Variants in CPE observed in about 807,000 individuals in gnomAD.
CPE encodes carbocypeptidase E.
Under a neutral mutation model 53.5 loss-of-function variants are expected in CPE, and 17 were observed. The observed-to-expected ratio is 0.32, with a 90% confidence interval of 0.22 to 0.48. The LOEUF is 0.48. Ranked by LOEUF, CPE falls within the 20% of genes least tolerant of loss-of-function variation. The pLI is 0.99. For synonymous variants in CPE, 226 were observed against 228.8 expected, an observed-to-expected ratio of 0.99 and a Z score of 0.11; for missense variants, 524 against 614.7, an observed-to-expected ratio of 0.85 and a Z score of 1.56.
chr4:165,442,756 A>T (rs534783982), intron 1 of CPE, among the ~76,000 whole-genome samples: 1 of 152,328 alleles, frequency 6.6e-6, no homozygotes, highest in African/African-American at 2.4e-5. Flanking sequence ...GAACAGGCAG[A>T]CCTTATATAA....
intron 1 of CPE, among the ~76,000 whole-genome samples, chr4:165,409,093 A>G (rs1730996249): frequency 6.6e-6 from 1 of 152,168 alleles, no homozygotes; most frequent in African/African-American, 2.4e-5. Flanking sequence ...GCACATAAGC[A>G]AGTATATGGC....
chr4:165,478,025 T>C (rs758787457), intron 3 of CPE, among the ~76,000 whole-genome samples: 3 of 152,196 alleles, frequency 2.0e-5, no homozygotes, highest in Non-Finnish European at 4.4e-5. Flanking sequence ...ACATGAGCCT[T>C]GGCCTGAAAG....
intron 1 of CPE, among the ~76,000 whole-genome samples, chr4:165,437,108 C>T (rs563103217): frequency 6.6e-6 from 1 of 152,238 alleles, no homozygotes; most frequent in Non-Finnish European, 1.5e-5. Flanking sequence ...TCAGACAGGT[C>T]CTTCTCTCAG....
At chr4:165,457,395 A>G (rs1022198336) in intron 1 of CPE, among the ~76,000 whole-genome samples, 6 of 152,238 alleles carry the variant, frequency 3.9e-5, no homozygotes, top group African/African-American at 1.4e-4. Context: ...TTGTGAAGGC[A>G]TCAAATACTT....
intron 1 of CPE, among the ~76,000 whole-genome samples, chr4:165,394,726 T>C (rs554156856): frequency 6.6e-6 from 1 of 152,256 alleles, no homozygotes; most frequent in Admixed American, 6.5e-5. Context: ...ATTTTTTTTT[T>C]ATGTGAAAAA....
At chr4:165,384,666 T>C (rs547151262) in intron 1 of CPE, among the ~76,000 whole-genome samples, 3 of 152,166 alleles carry the variant, frequency 2.0e-5, no homozygotes, top group Non-Finnish European at 4.4e-5. Flanking sequence ...ATCTTGGAAG[T>C]AGTGTTACAC....
chr4:165,448,636 A>C (rs1176303538), intron 1 of CPE, among the ~76,000 whole-genome samples: 1 of 145,382 alleles, frequency 6.9e-6, no homozygotes, highest in Non-Finnish European at 1.5e-5. Flanking sequence ...AGAATAAAGC[A>C]AAAAAAAAAC....
chr4:165,383,142 T>C (rs1400730044), intron 1 of CPE, among the ~76,000 whole-genome samples: 1 of 152,166 alleles, frequency 6.6e-6, no homozygotes, highest in African/African-American at 2.4e-5. Context: ...GGAGTTAGTG[T>C]TTGTGGCCCA....
At chr4:165,390,564 C>T (rs975544164) in intron 1 of CPE, among the ~76,000 whole-genome samples, 5 of 152,216 alleles carry the variant, frequency 3.3e-5, no homozygotes, top group Admixed American at 3.3e-4. Context: ...TCAAATTAGC[C>T]TCCTTCAAAT....
chr4:165,425,286 G>T, intron 1 of CPE, among the ~76,000 whole-genome samples: 1 of 134,928 alleles, frequency 7.4e-6, no homozygotes, highest in Non-Finnish European at 1.6e-5. Flanking sequence ...TTGGTTTTTT[G>T]TATCTAGAAG....
intron 2 of CPE, among the ~76,000 whole-genome samples, chr4:165,465,426 ATTAT>A (rs1382771248): frequency 6.6e-6 from 1 of 151,964 alleles, no homozygotes; most frequent in Non-Finnish European, 1.5e-5. Flanking sequence ...ATAAAATTAA[ATTAT>A]TTAATATTTT....
chr4:165,384,752 G>T (rs968861657), intron 1 of CPE, among the ~76,000 whole-genome samples: 4 of 152,126 alleles, frequency 2.6e-5, no homozygotes, highest in African/African-American at 9.7e-5. Flanking sequence ...GTAGAACAAA[G>T]AAAAAAATGA....
At chr4:165,403,033 G>A (rs1730894297) in intron 1 of CPE, among the ~76,000 whole-genome samples, 1 of 151,434 alleles carries the variant, frequency 6.6e-6, no homozygotes, top group Admixed American at 6.6e-5. Context: ...TCGAACACTG[G>A]GAAATATCTG....
chr4:165,444,956 A>AT (rs1553975171), intron 1 of CPE, among the ~76,000 whole-genome samples: 1 of 136,822 alleles, frequency 7.3e-6, no homozygotes, highest in East Asian at 2.2e-4. Context: ...TTCTTATTTT[A>AT]TTTTTTTAAA....
intron 1 of CPE, among the ~76,000 whole-genome samples, chr4:165,380,305 T>C (rs141021236): frequency 1.6e-3 from 241 of 152,264 alleles, no homozygotes; most frequent in African/African-American, 5.4e-3. Context: ...GCTATAACCA[T>C]TTGAGATGAA....
chr4:165,396,803 G>A (rs764789875), intron 1 of CPE, among the ~76,000 whole-genome samples: 15 of 151,618 alleles, frequency 9.9e-5, no homozygotes, highest in Non-Finnish European at 1.9e-4. Context: ...GCTGAGGCAG[G>A]ACAATCACTT....
chr4:165,408,659 G>A (rs1205122868), intron 1 of CPE, among the ~76,000 whole-genome samples: 3 of 152,226 alleles, frequency 2.0e-5, no homozygotes, highest in Non-Finnish European at 4.4e-5. Flanking sequence ...ACTGGTTGCT[G>A]GGGTCCCACC....
rs2126710172 is a variant in CPE, at chr4:165,480,208, A to G, written c.673-2034A>G. ...ATTCCATTGTTCTTAAAAAGATTAG[A>G]GATGGAAGGTTTATTATACTGTTGC... On this transcript the variant is annotated intron_variant, in intron 3 of 8. Coordinates refer to ENST00000402744, the MANE Select transcript of CPE (RefSeq NM_001873.4). Among the ~76,000 whole-genome samples, 2 of 152,292 alleles carry G rather than the reference A, an allele frequency of 1.3e-5. 1 individual carries two copies. The highest frequency in any genetic ancestry group is 4.1e-4 in the South Asian group (2 of 4,828).
intron 1 of CPE, among the ~76,000 whole-genome samples, chr4:165,387,847 T>G (rs2126653530): frequency 1.3e-5 from 2 of 152,252 alleles, no homozygotes; most frequent in South Asian, 4.1e-4. Flanking sequence ...GTCTTGAACT[T>G]CTGACCTCAG....
Sources: gnomAD v4.1 joint callset for allele counts (sites outside exome capture counted in the v4.1 genomes callset) on GRCh38, gnomAD v4.1.1 for gene constraint, MANE v1.5 for transcripts, NCBI Gene and HGNC (gene_info 2026-07-23, HGNC 2026-07-21) for gene names.